Variants in MEIS1 observed in about 807,000 individuals in gnomAD.
The protein encoded by MEIS1 is Meis homeobox 1.
A neutral mutation model predicts 50.8 loss-of-function variants in MEIS1; 5 were observed. The observed-to-expected ratio is 0.10, with a 90% CI of 0.05 to 0.21. MEIS1 has a LOEUF of 0.21. Among genes scored for constraint, MEIS1 ranks in the 10% least tolerant of loss-of-function variants. MEIS1 has a pLI of 1.00. For synonymous variants in MEIS1, 176 were observed against 179.3 expected, an observed-to-expected ratio of 0.98 and a Z score of 0.15; for missense variants, 318 against 517.3, an observed-to-expected ratio of 0.61 and a Z score of 3.74.
chr2:66,458,416 G>A (rs903113592), intron 6 of MEIS1, among the ~76,000 whole-genome samples: 1 of 152,122 alleles, frequency 6.6e-6, no homozygotes, highest in Admixed American at 6.5e-5. Flanking sequence ...AGCTGTGCAC[G>A]AAGCCAGCTC....
chr2:66,483,457 A>T (rs1207685019), intron 7 of MEIS1, among the ~76,000 whole-genome samples: 1 of 152,172 alleles, frequency 6.6e-6, no homozygotes, highest in African/African-American at 2.4e-5. Flanking sequence ...TATTTATTTT[A>T]CAACGAAGAC....
Position 66,442,904 on chromosome 2 carries a change from A to G in MEIS1, c.486A>G (p.Val162=). The change falls in exon 6 of 13, where the codon GTA becomes GTG. Residue 162 remains valine (V), a splice_region_variant and synonymous_variant. Coordinates refer to ENST00000272369, the MANE Select transcript of MEIS1 (RefSeq NM_002398.3). ...LRFHLLELEK[V]HELCDNFCHR... ...TTTTTATTTCTGTCATAATGTAGGT[A>G]CACGAATTATGTGACAATTTCTGCC... The G allele has an allele frequency of 6.3e-7, 1 of 1,584,566 alleles. No individual in the cohort carries two copies. Among genetic ancestry groups the G allele is most frequent in the Admixed American group, 1.9e-5 (1 of 51,828 alleles).
intron 7 of MEIS1, among the ~76,000 whole-genome samples, chr2:66,510,639 C>T (rs989096240): frequency 6.6e-6 from 1 of 151,870 alleles, no homozygotes; most frequent in Non-Finnish European, 1.5e-5. Flanking sequence ...TTAGTTTGTT[C>T]CTCACCCAAC....
intron 6 of MEIS1, among the ~76,000 whole-genome samples, chr2:66,455,131 TA>T (rs1420727746): frequency 1.3e-5 from 2 of 152,216 alleles, no homozygotes; most frequent in African/African-American, 4.8e-5. Context: ...ATACTTTTAC[TA>T]AGAATTTTAG....
Position 66,437,777 on chromosome 2 carries a change from G to A in MEIS1, c.53G>A (p.Gly18Asp). 6.2e-7 allele frequency: 1 copy of A among 1,613,860 alleles called. No homozygotes were observed. Among genetic ancestry groups the A allele is most frequent in the Non-Finnish European group, 8.5e-7 (1 of 1,179,880 alleles). Reference protein sequence around the residue: ...LPHYGGMDGVGIPSTMYGDPH... With the variant: ...LPHYGGMDGVDIPSTMYGDPH... ...CATTACGGGGGCATGGATGGAGTAG[G>A]CATCCCCTCCACGATGTATGGGGAC... Residue 18 changes from glycine (G) to aspartate (D), a missense_variant, in exon 2 of 13, where the codon GGC becomes GAC. By Grantham distance (94) the Gly-to-Asp change is moderately conservative. This residue lies in a region of MEIS1 where 100 missense variants were observed against 107.1 expected (regional missense o/e 0.93). Coordinates refer to ENST00000272369, the MANE Select transcript of MEIS1 (RefSeq NM_002398.3).
At chr2:66,473,397 A>AAAAAAAAAAAATATATATATATATATAT in intron 7 of MEIS1, among the ~76,000 whole-genome samples, 5 of 107,546 alleles carry the variant, frequency 4.6e-5, no homozygotes, top group African/African-American at 1.8e-4. Context: ...AAAAAAAAAA[A>AAAAAAAAAAAATATATATATATATATAT]ATATATATAT....
At chr2:66,437,645 T>A (rs1671832747) in intron 1 of MEIS1, 92 bp from the exon 2 acceptor site, 5 of 1,100,336 alleles carry the variant, frequency 4.5e-6, no homozygotes, top group Non-Finnish European at 6.8e-6. Context: ...AGGACCCAGC[T>A]GTATTGACCT....
chr2:66,519,281 A>T (rs1351059882), intron 8 of MEIS1, among the ~76,000 whole-genome samples: 1 of 152,202 alleles, frequency 6.6e-6, no homozygotes, highest in Non-Finnish European at 1.5e-5. Context: ...ATTGAAAGCC[A>T]TGTGGTAGCA....
intron 7 of MEIS1, among the ~76,000 whole-genome samples, chr2:66,509,878 A>G (rs1179668129): frequency 1.3e-5 from 2 of 152,210 alleles, no homozygotes; most frequent in African/African-American, 2.4e-5. Context: ...ATTATAGTAG[A>G]TATTTCCATA....
At chr2:66,541,131 G>A (rs898890017) in intron 8 of MEIS1, among the ~76,000 whole-genome samples, 4 of 151,654 alleles carry the variant, frequency 2.6e-5, no homozygotes, top group African/African-American at 4.8e-5. Context: ...TCTGCCTCCC[G>A]GGTTCACTCC....
intron 1 of MEIS1, chr2:66,437,053 G>A (rs901330885): frequency 1.1e-5 from 8 of 733,266 alleles, no homozygotes; most frequent in Admixed American, 6.3e-5. Context: ...TAACTTTGGG[G>A]GTGGGGAATT....
At chr2:66,491,164 T>G (rs1231419972) in intron 7 of MEIS1, among the ~76,000 whole-genome samples, 1 of 152,152 alleles carries the variant, frequency 6.6e-6, no homozygotes, top group Non-Finnish European at 1.5e-5. Context: ...TGCTGGGTAC[T>G]CTTGATGCAA....
intron 10 of MEIS1, chr2:66,567,826 G>A (rs1675388407): frequency 1.8e-6 from 1 of 566,396 alleles, no homozygotes; most frequent in Admixed American, 3.0e-5. Flanking sequence ...AGCTCTTTCT[G>A]CTACTATGAC....
Position 66,442,947 on chromosome 2 carries a change from T to C in MEIS1, c.529T>C (p.Leu177=). ...TTTCTGCCACCGGTATATTAGCTGT[T>C]TGAAAGGGAAAATGCCTATCGATTT... The part of the protein sequence containing the change: ...DNFCHRYISC[L]KGKMPIDLVI... Residue 177 remains leucine, a synonymous_variant, in exon 6 of 13, where the codon TTG becomes CTG. Coordinates refer to ENST00000272369, the MANE Select transcript of MEIS1 (RefSeq NM_002398.3). 6.2e-7 allele frequency: 1 copy of C among 1,600,812 alleles called. No individual in the cohort carries two copies. Among genetic ancestry groups the C allele is most frequent in the Non-Finnish European group, 8.5e-7 (1 of 1,176,040 alleles).
chr2:66,515,701 C>T (rs575235894), intron 8 of MEIS1, among the ~76,000 whole-genome samples: 1 of 152,212 alleles, frequency 6.6e-6, no homozygotes, highest in East Asian at 1.9e-4. Flanking sequence ...GAGCATTTGG[C>T]AGAGTCGATA....
chr2:66,548,083 G>A (rs1572895870), intron 9 of MEIS1, 64 bp downstream of exon 9: 1 of 1,530,332 alleles, frequency 6.5e-7, no homozygotes, highest in East Asian at 2.3e-5. Flanking sequence ...TGCAGCTCAT[G>A]TTTTGCATTA....
chr2:66,570,140 A>C lies in MEIS1; in HGVS notation c.*37+995A>C, dbSNP rs560958171. On this transcript the variant is annotated intron_variant, in intron 12 of 12. Coordinates refer to ENST00000272369, the MANE Select transcript of MEIS1 (RefSeq NM_002398.3). ...TAAAATCACTGCTGAGGCCAGGGGTAATTCGTACTGGTCATCTTCTCTGGG... is the reference window on the plus strand; with the variant it reads ...TAAAATCACTGCTGAGGCCAGGGGTCATTCGTACTGGTCATCTTCTCTGGG... 9 of 152,302 alleles carry C rather than the reference A, an allele frequency of 5.9e-5. No homozygotes were observed. In the South Asian group the frequency reaches 1.9e-3, roughly 32 times the overall value. 9.4% of individuals were successfully genotyped at this position (152,302 alleles called of 1,614,324 possible).
intron 6 of MEIS1, among the ~76,000 whole-genome samples, chr2:66,445,472 C>T (rs1449552920): frequency 6.6e-6 from 1 of 152,212 alleles, no homozygotes; most frequent in Non-Finnish European, 1.5e-5. Context: ...GGGCGCTGAA[C>T]CCCTAGTGCG....
At chr2:66,552,734 G>T (rs3772026) in intron 9 of MEIS1, among the ~76,000 whole-genome samples, 1 of 151,912 alleles carries the variant, frequency 6.6e-6, no homozygotes, top group Non-Finnish European at 1.5e-5. Flanking sequence ...AACAGATTCA[G>T]CTGTTAAAGG....
Sources: gnomAD v4.1 joint callset for allele counts (sites outside exome capture counted in the v4.1 genomes callset) on GRCh38, gnomAD v4.1.1 for gene constraint, gnomAD v4.1.1 regional missense constraint, MANE v1.5 for transcripts, NCBI Gene and HGNC (gene_info 2026-07-23, HGNC 2026-07-21) for gene names.